Variants in CEP128 observed in about 807,000 individuals in gnomAD.
CEP128 encodes the protein centrosomal protein 128, also known as centrosomal protein 128kDa.
In CEP128, 132 loss-of-function variants were observed where a neutral mutation model predicts 156.7. The observed-to-expected ratio is 0.84, with a 90% CI of 0.73 to 0.97. The LOEUF (loss-of-function observed/expected upper bound fraction) is 0.97. Ranked by LOEUF, CEP128 falls within the 50% of genes least tolerant of loss-of-function variation. The pLI is 0.00. For missense variants in CEP128, 1,252 were observed against 1,281.9 expected, an observed-to-expected ratio of 0.98 and a Z score of 0.36; for synonymous variants, 469 against 448.9, an observed-to-expected ratio of 1.04 and a Z score of -0.57.
At chr14:80,791,557 C>T (rs1901706632) in intron 14 of CEP128, among the ~76,000 whole-genome samples, 1 of 152,150 alleles carries the variant, frequency 6.6e-6, no homozygotes, top group Non-Finnish European at 1.5e-5. Context: ...TACCTACCTA[C>T]CTTACAGTCA....
At chr14:80,842,370 A>C (rs1448196934) in intron 9 of CEP128, among the ~76,000 whole-genome samples, 1 of 152,050 alleles carries the variant, frequency 6.6e-6, no homozygotes, top group South Asian at 2.1e-4. Context: ...TCTGCTTTCT[A>C]TATACCATGA....
intron 4 of CEP128, among the ~76,000 whole-genome samples, chr14:80,912,214 T>TG (rs1884273936): frequency 7.3e-6 from 1 of 137,792 alleles, no homozygotes; most frequent in South Asian, 2.5e-4. Flanking sequence ...AGACTCCACC[T>TG]CAAAAAAAAA....
In CEP128 at chr14:80,895,781, G is replaced by A. The variant is rs374292909; in HGVS notation, c.582C>T (p.Ala194=). The change falls in exon 8 of 25, where the codon GCC becomes GCT. Residue 194 remains alanine, a synonymous_variant. Coordinates refer to ENST00000555265, the MANE Select transcript of CEP128 (RefSeq NM_152446.5). ...RELSRRSRSD[A]ETKRALEELT... The stretch of plus-strand genomic sequence containing the variant: ...ATTCTTCCAAAGCCCTTTTTGTTTC[G>A]GCATCTGACCTAGGAAGAAAAAAAA... 7.8e-5 allele frequency: 118 copies of A among 1,514,622 alleles called. No homozygotes were observed. The highest frequency in any genetic ancestry group is 9.5e-5 in the Non-Finnish European group (108 of 1,131,984). 93.8% of individuals were successfully genotyped at this position (1,514,622 alleles called of 1,614,324 possible). A position where few individuals can be genotyped will look rare whatever the true frequency, so the allele number is the denominator to read the frequency against.
At chr14:80,764,824 C>G (rs943765342) in intron 16 of CEP128, among the ~76,000 whole-genome samples, 1 of 152,228 alleles carries the variant, frequency 6.6e-6, no homozygotes, top group Admixed American at 6.5e-5. Flanking sequence ...CCTTCACCCC[C>G]ACTAAGGCTT....
chr14:80,505,912 A>G (rs1001169335), intron 23 of CEP128, among the ~76,000 whole-genome samples: 2 of 152,194 alleles, frequency 1.3e-5, no homozygotes, highest in African/African-American at 4.8e-5. Flanking sequence ...AAAGCAAGAC[A>G]TTGGGGTCTA....
intron 19 of CEP128, among the ~76,000 whole-genome samples, chr14:80,656,302 TATATA>T (rs1278894273): frequency 6.8e-4 from 7 of 10,316 alleles, no homozygotes; most frequent in Non-Finnish European, 1.1e-3. Context: ...TATATATATA[TATATA>T]TATATATATA....
intron 2 of CEP128, among the ~76,000 whole-genome samples, chr14:80,934,940 G>C (rs890768130): frequency 6.6e-5 from 10 of 152,084 alleles, no homozygotes; most frequent in African/African-American, 2.2e-4. Context: ...TTGATTTACA[G>C]TTTCCTATGG....
chr14:80,487,441 C>T (rs1448472561), downstream of CEP128, among the ~76,000 whole-genome samples: 1 of 152,012 alleles, frequency 6.6e-6, no homozygotes, highest in African/African-American at 2.4e-5. Flanking sequence ...ACTTTAATAC[C>T]CCACTGTCAA....
intron 6 of CEP128, among the ~76,000 whole-genome samples, chr14:80,491,040 A>T (rs1170214427): frequency 1.3e-5 from 2 of 152,180 alleles, no homozygotes; most frequent in Non-Finnish European, 2.9e-5. Context: ...ACCCTTTGTG[A>T]ACCATTGCTT....
downstream of CEP128, among the ~76,000 whole-genome samples, chr14:80,489,209 G>A (rs1317411460): frequency 7.1e-6 from 1 of 140,994 alleles, no homozygotes; most frequent in Non-Finnish European, 1.5e-5. Context: ...TTTTCCCCTA[G>A]TAAAAGTAAA....
At chr14:80,912,060 T>C (rs973134807) in intron 4 of CEP128, among the ~76,000 whole-genome samples, 1 of 152,062 alleles carries the variant, frequency 6.6e-6, no homozygotes, top group Admixed American at 6.6e-5. Flanking sequence ...CTACTAAAAA[T>C]AGAAAAATTA....
At position 80,557,173 on chromosome 14, in the gene CEP128, G is replaced by A. The variant is rs73326672; in HGVS notation, c.2880+2106C>T. Reference sequence around the variant, plus strand: ...TTGTGATTCTATTCCTCTGTACTTCGTTAGTGAAGAGATTAGATAAAAACA... The same window carrying A: ...TTGTGATTCTATTCCTCTGTACTTCATTAGTGAAGAGATTAGATAAAAACA... On this transcript the variant is annotated intron_variant, in intron 21 of 24. Coordinates refer to ENST00000555265, the MANE Select transcript of CEP128 (RefSeq NM_152446.5). 5.4e-3 allele frequency among the ~76,000 whole-genome samples: 820 copies of A among 152,072 alleles called. 4 individuals are homozygous for A. Among genetic ancestry groups the A allele is most frequent in the African/African-American group, 0.018 (758 of 41,484 alleles).
intron 19 of CEP128, among the ~76,000 whole-genome samples, chr14:80,656,304 T>TAGC (rs1895155320): frequency 1.7e-4 from 2 of 11,910 alleles, no homozygotes; most frequent in African/African-American, 3.7e-4. Flanking sequence ...TATATATATA[T>TAGC]ATATATATAT....
chr14:80,755,231 G>A (rs1230346809), intron 18 of CEP128, among the ~76,000 whole-genome samples: 1 of 152,116 alleles, frequency 6.6e-6, no homozygotes, highest in East Asian at 1.9e-4. Context: ...TTTCAGTTTT[G>A]TAACTTGGAC....
chr14:80,652,688 A>C (rs61979382), intron 19 of CEP128, among the ~76,000 whole-genome samples: 23,153 of 152,190 alleles, frequency 0.15, 2,032 homozygotes, highest in East Asian at 0.33. Flanking sequence ...GTCAGGAAAC[A>C]ACAGATGCTG....
chr14:80,657,038 T>C (rs1895200980), intron 19 of CEP128, among the ~76,000 whole-genome samples: 1 of 152,092 alleles, frequency 6.6e-6, no homozygotes, highest in African/African-American at 2.4e-5. Context: ...GGTGGGTGGA[T>C]CACGAAGTCA....
intron 14 of CEP128, among the ~76,000 whole-genome samples, chr14:80,792,404 T>G (rs975433650): frequency 6.6e-6 from 1 of 152,170 alleles, no homozygotes; most frequent in Non-Finnish European, 1.5e-5. Context: ...AATAAATGCA[T>G]TGGGAGGAAA....
intron 2 of CEP128, among the ~76,000 whole-genome samples, chr14:80,952,666 A>G (rs1408705962): frequency 6.6e-6 from 1 of 152,094 alleles, no homozygotes; most frequent in Non-Finnish European, 1.5e-5. Context: ...CAGAGCATAT[A>G]TCAATGAAAT....
In CEP128 at chr14:80,790,004, CAT is replaced by C. The variant is rs1030363311; in HGVS notation, c.1560+2754_1560+2755del. Reference sequence around the variant, plus strand: ...AGGACTCCATATGCATTCAAAAAATCATATACTTTGGCACTGATCCTTCTTAC... The same window carrying C: ...AGGACTCCATATGCATTCAAAAAATCATACTTTGGCACTGATCCTTCTTAC... On this transcript the variant is annotated intron_variant, in intron 14 of 24. Coordinates refer to ENST00000555265, the MANE Select transcript of CEP128 (RefSeq NM_152446.5). Among the ~76,000 whole-genome samples, 29 of 151,936 alleles carry C rather than the reference CAT, an allele frequency of 1.9e-4. 1 individual carries two copies. Among genetic ancestry groups the C allele is most frequent in the Non-Finnish European group, 3.7e-4 (25 of 67,976 alleles).
Sources: allele counts gnomAD v4.1 joint callset (sites outside exome capture counted in the v4.1 genomes callset), GRCh38; gene constraint gnomAD v4.1.1; transcripts MANE v1.5; gene names NCBI Gene and HGNC (gene_info 2026-07-23, HGNC 2026-07-21).